The following LTBP1 variants were observed in gnomAD, a reference collection of about 807,000 sequenced individuals.
LTBP1 encodes latent-transforming growth factor beta-binding protein 1.
Under a neutral mutation model 207.6 loss-of-function variants are expected in LTBP1, and 129 were observed. The observed-to-expected ratio is 0.62, with a 90% CI of 0.54 to 0.72. The LOEUF is 0.72. Ranked by LOEUF, LTBP1 falls within the 30% of genes least tolerant of loss-of-function variation. LTBP1 has a pLI of 0.00. For synonymous variants in LTBP1, 963 were observed against 833.7 expected, an observed-to-expected ratio of 1.16 and a Z score of -2.67; for missense variants, 2,281 against 2,217.2, an observed-to-expected ratio of 1.03 and a Z score of -0.58.
At chr2:33,225,483 T>C (rs2091380670) in intron 9 of LTBP1, among the ~76,000 whole-genome samples, 1 of 152,164 alleles carries the variant, frequency 6.6e-6, no homozygotes, top group South Asian at 2.1e-4. Flanking sequence ...AGTCACATCT[T>C]ACATGGATGG....
At chr2:33,178,359 C>T (rs971349950) in intron 5 of LTBP1, among the ~76,000 whole-genome samples, 6 of 152,224 alleles carry the variant, frequency 3.9e-5, no homozygotes, top group East Asian at 1.9e-4. Context: ...AAATAGATAG[C>T]GCACAGCAAT....
At chr2:33,370,413 T>G (rs896605858) in intron 31 of LTBP1, among the ~76,000 whole-genome samples, 7 of 152,178 alleles carry the variant, frequency 4.6e-5, no homozygotes, top group Non-Finnish European at 1.0e-4. Context: ...AAAAACAGAT[T>G]CTGGTTTCTC....
intron 7 of LTBP1, among the ~76,000 whole-genome samples, chr2:33,209,965 C>T (rs1280325887): frequency 6.6e-6 from 1 of 152,184 alleles, no homozygotes; most frequent in Non-Finnish European, 1.5e-5. Flanking sequence ...AGAGTTTTGC[C>T]TATAGTCATG....
At chr2:32,989,273 A>C (rs1684054640) in intron 2 of LTBP1, among the ~76,000 whole-genome samples, 1 of 152,232 alleles carries the variant, frequency 6.6e-6, no homozygotes, top group Admixed American at 6.5e-5. Context: ...ATTCAAAGGA[A>C]TGCCGAAATG....
chr2:33,158,545 G>C (rs1444815532), intron 5 of LTBP1, among the ~76,000 whole-genome samples: 2 of 152,156 alleles, frequency 1.3e-5, no homozygotes, highest in Non-Finnish European at 2.9e-5. Flanking sequence ...TAGTTCCCTG[G>C]TTAATTCCTG....
chr2:33,034,296 G>T (rs2075819849), intron 3 of LTBP1, among the ~76,000 whole-genome samples: 1 of 150,570 alleles, frequency 6.6e-6, no homozygotes, highest in African/African-American at 2.4e-5. Flanking sequence ...AAATGAAAAA[G>T]AATACTGAAA....
chr2:33,017,348 G>A (rs1480272329), intron 2 of LTBP1, among the ~76,000 whole-genome samples: 1 of 152,328 alleles, frequency 6.6e-6, no homozygotes, highest in South Asian at 2.1e-4. Context: ...CAGATGTTGT[G>A]TGTCAGTGAT....
At chr2:33,262,229 T>C (rs1460566321) in intron 13 of LTBP1, among the ~76,000 whole-genome samples, 1 of 152,210 alleles carries the variant, frequency 6.6e-6, no homozygotes, top group Non-Finnish European at 1.5e-5. Flanking sequence ...AAGAAGGCCA[T>C]AGTAACTGAC....
At chr2:33,017,026 A>G (rs1688476991) in intron 2 of LTBP1, among the ~76,000 whole-genome samples, 1 of 152,200 alleles carries the variant, frequency 6.6e-6, no homozygotes, top group African/African-American at 2.4e-5. Context: ...CAAAAAATAA[A>G]TAAATAAAAA....
chr2:33,211,666 G>A (rs1489724738), intron 7 of LTBP1, among the ~76,000 whole-genome samples: 2 of 152,102 alleles, frequency 1.3e-5, no homozygotes, highest in African/African-American at 4.8e-5. Context: ...TTGGAATGAG[G>A]GTACGTTGTA....
chr2:33,372,093 G>C (rs944426925), intron 31 of LTBP1, among the ~76,000 whole-genome samples: 4 of 152,172 alleles, frequency 2.6e-5, no homozygotes, highest in African/African-American at 9.7e-5. Context: ...GTGGATAAGG[G>C]AGAATACTAC....
chr2:33,250,486 G>A (rs1035776471), intron 10 of LTBP1, among the ~76,000 whole-genome samples: 19 of 152,268 alleles, frequency 1.2e-4, no homozygotes, highest in Admixed American at 1.0e-3. Flanking sequence ...CTAAGGCAGG[G>A]AAGGAGAGGG....
Position 33,309,700 on chromosome 2 carries a change from G to A in LTBP1, c.3604+144G>A, listed in dbSNP as rs2094152871. The A allele has an allele frequency of 5.3e-6, 5 of 943,554 alleles. No homozygotes were observed. The African/African-American group carries it at 8.5e-5, about 16-fold the overall frequency. The allele number at this position is 943,554 out of a possible 1,614,324, so 58.4% of individuals were successfully genotyped here. A position where few individuals can be genotyped will look rare whatever the true frequency, so the allele number is the denominator to read the frequency against. ...TTTTGATATTAAAATAGCTGTCTTGGGTCCACATCAAGTGCAGGAAGGTGT... is the reference window on the plus strand; with the variant it reads ...TTTTGATATTAAAATAGCTGTCTTGAGTCCACATCAAGTGCAGGAAGGTGT... On this transcript the variant is annotated intron_variant, in intron 23 of 33. Coordinates refer to ENST00000404816, the MANE Select transcript of LTBP1 (RefSeq NM_206943.4).
At chr2:33,052,716 T>C (rs575506735) in intron 3 of LTBP1, among the ~76,000 whole-genome samples, 9 of 152,344 alleles carry the variant, frequency 5.9e-5, no homozygotes, top group Non-Finnish European at 1.2e-4. Flanking sequence ...ATTTCTCCCT[T>C]TTCACCCTTG....
At chr2:33,198,842 A>T (rs1440318466) in intron 7 of LTBP1, among the ~76,000 whole-genome samples, 1 of 152,162 alleles carries the variant, frequency 6.6e-6, no homozygotes, top group Non-Finnish European at 1.5e-5. Context: ...ATCCTTTCAA[A>T]AAACCAGCTC....
intron 5 of LTBP1, among the ~76,000 whole-genome samples, chr2:33,178,787 A>G (rs911951869): frequency 6.6e-6 from 1 of 152,204 alleles, no homozygotes; most frequent in African/African-American, 2.4e-5. Context: ...TTTGTTGATG[A>G]TAATAGTCTT....
chr2:33,347,318 T>A, intron 25 of LTBP1, 49 bp from the exon 26 acceptor site: 1 of 1,610,368 alleles, frequency 6.2e-7, no homozygotes, highest in Non-Finnish European at 8.5e-7. Flanking sequence ...AATAGAGAGC[T>A]GTCGTGAATG....
chr2:33,356,445 C>T (rs192829475), intron 26 of LTBP1, among the ~76,000 whole-genome samples: 97 of 152,150 alleles, frequency 6.4e-4, no homozygotes, highest in East Asian at 3.1e-3. Flanking sequence ...TTTGGGAGGC[C>T]GAGGTGGGTG....
rs1304848541 is a variant in LTBP1 at position 33,341,724 on chromosome 2, A to AT, written c.3731-1114_3731-1113insT. The stretch of plus-strand genomic sequence containing the variant: ...AGACTCCGTCTCACTCAAAAAAAAA[A>AT]AAAAAATATATATATATATATGTAT... On this transcript the variant is annotated intron_variant, in intron 24 of 33. Transcript: ENST00000404816. Among the ~76,000 whole-genome samples, 6 of 131,494 alleles carry AT rather than the reference A, an allele frequency of 4.6e-5. No individual in the cohort carries two copies. The East Asian group carries it at 6.2e-4, about 14-fold the overall frequency. The allele number at this position is 131,494 out of a possible 152,430, so 86.3% of individuals were successfully genotyped here.
Sources: allele counts gnomAD v4.1 joint callset (sites outside exome capture counted in the v4.1 genomes callset), GRCh38; gene constraint gnomAD v4.1.1; transcripts MANE v1.5; gene names NCBI Gene and HGNC (gene_info 2026-07-23, HGNC 2026-07-21).